The following EHBP1 variants were observed in gnomAD, a reference collection of about 807,000 sequenced individuals.
EHBP1 encodes EH domain-binding protein 1.
In EHBP1, 55 loss-of-function variants were observed where a neutral mutation model predicts 144.0. The ratio of observed to expected loss-of-function variants is 0.38; its 90% confidence interval spans 0.31 to 0.48. EHBP1 has a LOEUF of 0.48. Ranked by LOEUF, EHBP1 falls within the 20% of genes least tolerant of loss-of-function variation. EHBP1 has a pLI of 0.98. For synonymous variants in EHBP1, 469 were observed against 472.7 expected (o/e 0.99, Z 0.10); for missense variants, 1,200 against 1,364.2 (o/e 0.88, Z 1.90).
At chr2:62,951,541 G>C (rs376349575) in intron 13 of EHBP1, among the ~76,000 whole-genome samples, 9 of 141,766 alleles carry the variant, frequency 6.3e-5, no homozygotes, top group East Asian at 2.1e-4. Flanking sequence ...TTTTGGGGGG[G>C]GGGGGTGGAG....
chr2:62,873,371 T>A (rs2050635438), intron 9 of EHBP1, among the ~76,000 whole-genome samples: 1 of 152,064 alleles, frequency 6.6e-6, no homozygotes, highest in Non-Finnish European at 1.5e-5. Flanking sequence ...CCTGGAGAAT[T>A]AAATATTAGA....
intron 1 of EHBP1, among the ~76,000 whole-genome samples, chr2:62,693,748 AT>A (rs2033987886): frequency 1.3e-5 from 2 of 152,262 alleles, no homozygotes; most frequent in African/African-American, 4.8e-5. Flanking sequence ...TTTTGTATCC[AT>A]TAACCAACCT....
chr2:62,798,740 C>T (rs980328116), intron 5 of EHBP1, among the ~76,000 whole-genome samples: 3 of 151,914 alleles, frequency 2.0e-5, no homozygotes, highest in South Asian at 4.2e-4. Flanking sequence ...AGCGGTGGCT[C>T]AAGCCTGTAA....
rs562471265 is a variant in EHBP1 at position 62,773,958 on chromosome 2, G to A, written c.312+2566G>A. Reference sequence around the variant, plus strand: ...AAAATTTGAAAAGTAGACCCTAGAGGCAGTAAAACAGCATGTGAAGGATCC... The same window carrying A: ...AAAATTTGAAAAGTAGACCCTAGAGACAGTAAAACAGCATGTGAAGGATCC... On this transcript the variant is annotated intron_variant, in intron 5 of 22. Transcript: ENST00000431489. Among the ~76,000 whole-genome samples, 112 of 150,510 alleles carry A rather than the reference G, an allele frequency of 7.4e-4. 1 individual carries two copies. The highest frequency in any genetic ancestry group is 3.4e-3 in the Middle Eastern group (1 of 292).
At chr2:62,674,134 C>A (rs928228474) in intron 1 of EHBP1, 1 of 471,054 alleles carries the variant, frequency 2.1e-6, no homozygotes, top group South Asian at 1.5e-5. Context: ...GAAGCATCCC[C>A]AAATATGTCT....
chr2:62,798,019 A>G (rs1037838674), intron 5 of EHBP1, among the ~76,000 whole-genome samples: 13 of 152,240 alleles, frequency 8.5e-5, no homozygotes, highest in Non-Finnish European at 2.9e-5. Context: ...TATCTGGAAT[A>G]TATGGAAATA....
intron 10 of EHBP1, among the ~76,000 whole-genome samples, chr2:62,941,763 G>T (rs1453056318): frequency 6.6e-6 from 1 of 151,944 alleles, no homozygotes; most frequent in Non-Finnish European, 1.5e-5. Flanking sequence ...AATATGTAAG[G>T]TTTCTTATAA....
intron 19 of EHBP1, among the ~76,000 whole-genome samples, chr2:63,025,667 G>GAACT (rs2060943471): frequency 2.0e-5 from 3 of 152,172 alleles, no homozygotes; most frequent in Admixed American, 6.5e-5. Context: ...AATCTGAGGT[G>GAACT]AACTATTGGG....
intron 2 of EHBP1, among the ~76,000 whole-genome samples, chr2:62,737,719 T>C (rs1010304067): frequency 6.6e-6 from 1 of 152,164 alleles, no homozygotes; most frequent in Non-Finnish European, 1.5e-5. Flanking sequence ...AGGGTTCCAG[T>C]TTCATCATAT....
At chr2:62,703,078 C>T (rs2034324888), upstream of EHBP1, among the ~76,000 whole-genome samples, 1 of 152,110 alleles carries the variant, frequency 6.6e-6, no homozygotes, top group Non-Finnish European at 1.5e-5. Context: ...CCTGCAATCC[C>T]AGCACTTTGG....
At chr2:62,708,666 C>T (rs2034834261) in intron 2 of EHBP1, among the ~76,000 whole-genome samples, 1 of 152,082 alleles carries the variant, frequency 6.6e-6, no homozygotes, top group South Asian at 2.1e-4. Flanking sequence ...ACAGAGGTCG[C>T]AGAGGGAAAA....
chr2:62,867,180 T>C (rs1382212296), intron 9 of EHBP1, among the ~76,000 whole-genome samples: 1 of 152,150 alleles, frequency 6.6e-6, no homozygotes, highest in African/African-American at 2.4e-5. Context: ...GCTTCAATAA[T>C]GTATTCTGGG....
intron 3 of EHBP1, among the ~76,000 whole-genome samples, chr2:62,757,426 C>CTTTTTTTTTTTTTTTT (rs555494268): frequency 6.2e-4 from 70 of 113,020 alleles, no homozygotes; most frequent in African/African-American, 1.1e-3. Flanking sequence ...TTTTTTTTTT[C>CTTTTTTTTTTTTTTTT]TTTTTTTTTT....
intron 1 of EHBP1, among the ~76,000 whole-genome samples, chr2:62,678,003 G>A (rs928999808): frequency 6.6e-6 from 1 of 152,170 alleles, no homozygotes; most frequent in Non-Finnish European, 1.5e-5. Flanking sequence ...ATACCTAGCA[G>A]TGGGATTCCT....
At chr2:62,690,747 A>G (rs1480570929) in intron 1 of EHBP1, among the ~76,000 whole-genome samples, 2 of 152,088 alleles carry the variant, frequency 1.3e-5, no homozygotes, top group Non-Finnish European at 2.9e-5. Context: ...AACCATATGG[A>G]TTTAGTCAAG....
In EHBP1 at chr2:62,997,427, CATGTGTGTGTGTGT is replaced by C. The variant is rs1321093675; in HGVS notation, c.3103+662_3103+675del. Reference sequence around the variant, plus strand: ...CACAATAAGCAATTGGAAAGGAACTCATGTGTGTGTGTGTGTGTGTGTGTGTGTGTGTGTGTGTG... The same window carrying C: ...CACAATAAGCAATTGGAAAGGAACTCGTGTGTGTGTGTGTGTGTGTGTGTG... On this transcript the variant is annotated intron_variant, in intron 19 of 22. Coordinates refer to ENST00000431489, the MANE Select transcript of EHBP1 (RefSeq NM_001142616.3). Among the ~76,000 whole-genome samples the C allele has an allele frequency of 7.6e-4, 106 of 139,980 alleles. No individual in the cohort carries two copies. The Middle Eastern group carries it at 0.011, about 15-fold the overall frequency. 91.8% of individuals were successfully genotyped at this position (139,980 alleles called of 152,430 possible). A position where few individuals can be genotyped will look rare whatever the true frequency, so the allele number is the denominator to read the frequency against.
chr2:62,717,551 C>T (rs1044943406), intron 2 of EHBP1, among the ~76,000 whole-genome samples: 1 of 152,062 alleles, frequency 6.6e-6, no homozygotes, highest in African/African-American at 2.4e-5. Flanking sequence ...TGTAATTGTA[C>T]CTGGTATTTG....
intron 19 of EHBP1, among the ~76,000 whole-genome samples, chr2:63,034,132 A>G (rs1333756275): frequency 1.3e-5 from 2 of 152,084 alleles, no homozygotes; most frequent in Non-Finnish European, 2.9e-5. Flanking sequence ...AGATTATATT[A>G]AGTAGTCCAA....
At chr2:62,753,057 G>C (rs1244811150) in intron 3 of EHBP1, among the ~76,000 whole-genome samples, 1 of 152,128 alleles carries the variant, frequency 6.6e-6, no homozygotes, top group Admixed American at 6.5e-5. Flanking sequence ...ATGTTAGCTG[G>C]TTATTTTGCT....
Sources: allele counts gnomAD v4.1 joint callset (sites outside exome capture counted in the v4.1 genomes callset), GRCh38; gene constraint gnomAD v4.1.1; transcripts MANE v1.5; gene names NCBI Gene and HGNC (gene_info 2026-07-23, HGNC 2026-07-21).